Variants in ROPN1L observed in about 807,000 individuals in gnomAD.
ROPN1L encodes ropporin-1-like protein.
In ROPN1L, 23 loss-of-function variants were observed where a neutral mutation model predicts 22.7. The ratio of observed to expected loss-of-function variants is 1.01; its 90% CI spans 0.73 to 1.43. The LOEUF is 1.43. Among genes scored for constraint, ROPN1L ranks in the 40% most tolerant of loss-of-function variants. The probability of loss-of-function intolerance (pLI) is 0.00; values close to 1 mark genes in which losing one functional copy is unlikely to be tolerated. For missense variants in ROPN1L, 271 were observed against 291.5 expected (o/e 0.93, Z 0.51); for synonymous variants, 116 against 117.8 (o/e 0.98, Z 0.10).
Position 10,461,351 on chromosome 5 carries a change from G to A in ROPN1L, c.585G>A (p.Lys195=). ...LETESYLASL[K]ENIDARKNGM... ...CGGAATCCTACCTTGCCTCTCTAAA[G>A]GAAAATATGTAAGTATGCACCCTCT... Residue 195 remains lysine, a synonymous_variant, in exon 4 of 5, where the codon AAG becomes AAA. Coordinates refer to ENST00000274134, the MANE Select transcript of ROPN1L (RefSeq NM_031916.5). 6.2e-7 allele frequency: 1 copy of A among 1,613,600 alleles called. No homozygotes were observed. Among genetic ancestry groups the A allele is most frequent in the Non-Finnish European group, 8.5e-7 (1 of 1,179,662 alleles).
intron 2 of ROPN1L, among the ~76,000 whole-genome samples, chr5:10,449,220 T>G (rs1461400732): frequency 6.6e-6 from 1 of 152,190 alleles, no homozygotes; most frequent in East Asian, 1.9e-4. Context: ...ATAGATTGTT[T>G]AAAATAGTAG....
intron 4 of ROPN1L, among the ~76,000 whole-genome samples, chr5:10,470,428 C>T (rs149379694): frequency 6.6e-6 from 1 of 152,248 alleles, no homozygotes; most frequent in African/African-American, 2.4e-5. Context: ...TCCAGGCCCA[C>T]CCACCTGGCC....
chr5:10,470,282 G>T (rs150303797), intron 4 of ROPN1L, among the ~76,000 whole-genome samples: 111,223 of 152,114 alleles, frequency 0.73, 41,635 homozygotes, highest in Non-Finnish European at 0.81. Context: ...TTGTACAATT[G>T]TACAATCCCC....
chr5:10,463,475 A>T (rs1273591334), intron 4 of ROPN1L, among the ~76,000 whole-genome samples: 1 of 152,074 alleles, frequency 6.6e-6, no homozygotes, highest in Non-Finnish European at 1.5e-5. Flanking sequence ...GGTTAACAGC[A>T]AGAAAGGGCC....
At position 10,461,142 on chromosome 5, in the gene ROPN1L, G is replaced by A. The variant is rs1248904909; in HGVS notation, c.418-42G>A. 3.2e-6 allele frequency: 5 copies of A among 1,573,502 alleles called. No individual in the cohort carries two copies. In the Admixed American group the frequency reaches 5.2e-5, roughly 16 times the overall value. Reference sequence around the variant, plus strand: ...CCTGCTTTCAATGTGAGTGATGCCAGGAGTAACTGTTTTTCTCCCCACCTG... The same window carrying A: ...CCTGCTTTCAATGTGAGTGATGCCAAGAGTAACTGTTTTTCTCCCCACCTG... On this transcript the variant is annotated intron_variant, in intron 3 of 4. Transcript: ENST00000274134.
Position 10,442,354 on chromosome 5 carries a change from C to A in ROPN1L, c.131+56C>A, listed in dbSNP as rs1579638387. 7.5e-6 allele frequency: 12 copies of A among 1,593,958 alleles called. No individual in the cohort carries two copies. The East Asian group carries it at 2.7e-4, about 36-fold the overall frequency. On this transcript the variant is annotated intron_variant, in intron 1 of 4. Coordinates refer to ENST00000274134, the MANE Select transcript of ROPN1L (RefSeq NM_031916.5). ...GTCTACATGCCCAAGCCAGACGAGC[C>A]CAGAGAGCCCTCCTCCCGGACCAGG...
chr5:10,482,105 C>G, the ROPN1L span: 1 of 152,004 alleles, frequency 6.6e-6, no homozygotes, highest in African/African-American at 2.4e-5. Flanking sequence ...ATGGTTGCAC[C>G]TGTAATCCCA....
downstream of ROPN1L, among the ~76,000 whole-genome samples, chr5:10,469,320 TAA>T (rs35356895): frequency 0.72 from 100,751 of 139,402 alleles, 36,708 homozygotes; most frequent in Non-Finnish European, 0.8. Context: ...ACAAAAAAAT[TAA>T]AAAAAAAAAA....
At chr5:10,447,937 A>G (rs908583977) in intron 1 of ROPN1L, among the ~76,000 whole-genome samples, 8 of 152,316 alleles carry the variant, frequency 5.3e-5, no homozygotes, top group African/African-American at 1.9e-4. Context: ...CTGATTGTGA[A>G]GTGGCAGGGA....
rs572607220 is a variant in ROPN1L at position 10,454,986 on chromosome 5, G to A, written c.417+4873G>A. 1.2e-4 allele frequency among the ~76,000 whole-genome samples: 18 copies of A among 152,286 alleles called. No individual in the cohort carries two copies. In the South Asian group the frequency reaches 1.2e-3, roughly 11 times the overall value. On this transcript the variant is annotated intron_variant, in intron 3 of 4. Transcript: ENST00000274134. Reference sequence around the variant, plus strand: ...TTAGGACCACCTTATTCAAGTTTACGCCTGAGATTTCCTGTCTCGGAGAAG... The same window carrying A: ...TTAGGACCACCTTATTCAAGTTTACACCTGAGATTTCCTGTCTCGGAGAAG...
chr5:10,442,544 C>T (rs1332399630), intron 1 of ROPN1L, among the ~76,000 whole-genome samples: 1 of 152,232 alleles, frequency 6.6e-6, no homozygotes, highest in Non-Finnish European at 1.5e-5. Flanking sequence ...GTAATGGCAA[C>T]TCAATTGTTT....
chr5:10,443,261 AC>A (rs965536009), intron 1 of ROPN1L, among the ~76,000 whole-genome samples: 1 of 152,164 alleles, frequency 6.6e-6, no homozygotes, highest in African/African-American at 2.4e-5. Flanking sequence ...AAACTCTATA[AC>A]CAAAGTGAAT....
At chr5:10,466,376 C>T (rs1735154457), downstream of ROPN1L, among the ~76,000 whole-genome samples, 1 of 152,146 alleles carries the variant, frequency 6.6e-6, no homozygotes, top group African/African-American at 2.4e-5. Flanking sequence ...CCTCCTCTAA[C>T]CCTGGAGGCT....
chr5:10,445,400 CTT>C (rs1204778928), intron 1 of ROPN1L, among the ~76,000 whole-genome samples: 2 of 152,168 alleles, frequency 1.3e-5, no homozygotes, highest in African/African-American at 2.4e-5. Context: ...TCAAAAGTAA[CTT>C]GAGTAAGGCG....
Position 10,442,090 on chromosome 5 carries a change from C to T in ROPN1L, c.-78C>T. Reference sequence around the variant, plus strand: ...AAGCCCCGCGCTGCTAGCGGGTCCACCGCGTCGTAGCCGACAGCCGCCCTT... The same window carrying T: ...AAGCCCCGCGCTGCTAGCGGGTCCATCGCGTCGTAGCCGACAGCCGCCCTT... On this transcript the variant is annotated 5_prime_UTR_variant, in exon 1 of 5. Coordinates refer to ENST00000274134, the MANE Select transcript of ROPN1L (RefSeq NM_031916.5). The T allele has an allele frequency of 6.4e-7, 1 of 1,555,172 alleles. No homozygotes were observed. Among genetic ancestry groups the T allele is most frequent in the African/African-American group, 1.4e-5 (1 of 74,068 alleles).
chr5:10,454,762 C>T (rs559066158), intron 3 of ROPN1L, among the ~76,000 whole-genome samples: 7 of 152,344 alleles, frequency 4.6e-5, no homozygotes, highest in East Asian at 3.9e-4. Flanking sequence ...AGGGTTTAAC[C>T]GGGTGCGGGA....
chr5:10,448,260 C>T lies in ROPN1L; in HGVS notation c.132C>T (p.Gly44=). 2 of 1,613,950 alleles carry T rather than the reference C, an allele frequency of 1.2e-6. No homozygotes were observed. The highest frequency in any genetic ancestry group is 1.1e-5 in the South Asian group (1 of 91,040). ...QPADVLRWSA[G]YFSALSRGDP... Reference sequence around the variant, plus strand: ...TTCAGAGATGTCTGTTATTTATTAGCTATTTTTCAGCTCTGTCGAGAGGAG... The same window carrying T: ...TTCAGAGATGTCTGTTATTTATTAGTTATTTTTCAGCTCTGTCGAGAGGAG... The change falls in exon 2 of 5, where the codon GGC becomes GGT. Residue 44 remains glycine, a splice_region_variant and synonymous_variant. Transcript: ENST00000274134.
At chr5:10,468,981 C>A (rs879528525), downstream of ROPN1L, among the ~76,000 whole-genome samples, 5 of 151,868 alleles carry the variant, frequency 3.3e-5, no homozygotes, top group Admixed American at 6.6e-5. Flanking sequence ...CGGTGAAACC[C>A]CGTCTCTACT....
At chr5:10,451,953 G>A (rs2962314) in intron 3 of ROPN1L, among the ~76,000 whole-genome samples, 141,978 of 151,838 alleles carry the variant, frequency 0.94, 66,795 homozygotes, top group East Asian at 1. Context: ...CTATCTATCT[G>A]TCTATCTATC....
Sources: gnomAD v4.1 joint callset for allele counts (sites outside exome capture counted in the v4.1 genomes callset) on GRCh38, gnomAD v4.1.1 for gene constraint, MANE v1.5 for transcripts, NCBI Gene and HGNC (gene_info 2026-07-23, HGNC 2026-07-21) for gene names.